LHFPL6: variants seen among roughly 807,000 people sequenced by gnomAD.
LHFPL6 encodes the protein LHFPL tetraspan subfamily member 6.
LHFPL6 carries 9 observed loss-of-function variants against 20.6 expected under a neutral mutation model. The observed-to-expected ratio is 0.44, with a 90% confidence interval of 0.26 to 0.76. The LOEUF is 0.76. LHFPL6 is among the 30% of genes least tolerant of loss of function. The pLI, the probability that LHFPL6 is intolerant of heterozygous loss-of-function variation, is 0.20. For missense variants in LHFPL6, 218 were observed against 253.5 expected (o/e 0.86, Z 0.95); for synonymous variants, 105 against 98.7 (o/e 1.06, Z -0.38).
chr13:39,411,565 T>C (rs1871241621), intron 2 of LHFPL6, among the ~76,000 whole-genome samples: 1 of 152,206 alleles, frequency 6.6e-6, no homozygotes, highest in Admixed American at 6.5e-5. Context: ...TAGTGTTGTG[T>C]TTATCTCACG....
At chr13:39,442,912 GCTT>G (rs1872179386) in intron 2 of LHFPL6, among the ~76,000 whole-genome samples, 1 of 152,028 alleles carries the variant, frequency 6.6e-6, no homozygotes, top group Non-Finnish European at 1.5e-5. Flanking sequence ...GCTAACTGAA[GCTT>G]CTTGTCTCTT....
At chr13:39,437,309 C>A (rs569077729) in intron 2 of LHFPL6, among the ~76,000 whole-genome samples, 1 of 152,256 alleles carries the variant, frequency 6.6e-6, no homozygotes, top group South Asian at 2.1e-4. Flanking sequence ...ATCATGGGGG[C>A]AGTTTCTCAT....
At chr13:39,562,443 T>TAC (rs879587725) in intron 2 of LHFPL6, among the ~76,000 whole-genome samples, 10,870 of 121,390 alleles carry the variant, frequency 0.09, 1,654 homozygotes, top group Middle Eastern at 0.16. Flanking sequence ...TATATACATA[T>TAC]ATACACATAT....
intron 2 of LHFPL6, among the ~76,000 whole-genome samples, chr13:39,586,718 G>A (rs909333318): frequency 6.6e-6 from 1 of 152,048 alleles, no homozygotes; most frequent in African/African-American, 2.4e-5. Flanking sequence ...CACCATCGCT[G>A]GCCAACATTG....
intron 2 of LHFPL6, among the ~76,000 whole-genome samples, chr13:39,456,452 CA>C (rs1872572155): frequency 6.6e-6 from 1 of 152,012 alleles, no homozygotes; most frequent in Non-Finnish European, 1.5e-5. Flanking sequence ...GAAATTAAAC[CA>C]AAAACAATTC....
In LHFPL6 at chr13:39,601,059, G is replaced by A; in HGVS notation, c.158C>T (p.Pro53Leu). 2 of 1,614,202 alleles carry A rather than the reference G, an allele frequency of 1.2e-6. No homozygotes were observed. The highest frequency in any genetic ancestry group is 1.7e-6 in the Non-Finnish European group (2 of 1,180,036). The change falls in exon 2 of 4, where the codon CCT (proline) becomes CTT (leucine). Residue 53 changes from proline (P) to leucine (L), a missense_variant. Physicochemically the swap from Pro to Leu is moderately conservative, Grantham distance 98. Transcript: ENST00000379589. ...CATCTGCCGACTCTCATCATGCACA[G>A]GATATGAGCACCTCCGGAAGGTACC... ...SFGTFRRCSY[P>L]VHDESRQMMV...
intron 2 of LHFPL6, among the ~76,000 whole-genome samples, chr13:39,544,892 C>A (rs1870928517): frequency 6.6e-6 from 1 of 151,938 alleles, no homozygotes; most frequent in African/African-American, 2.4e-5. Context: ...AAACTTACTA[C>A]AAATAGGCAA....
chr13:39,519,151 GCTTGAA>G, intron 2 of LHFPL6, among the ~76,000 whole-genome samples: 1 of 152,226 alleles, frequency 6.6e-6, no homozygotes, highest in Non-Finnish European at 1.5e-5. Flanking sequence ...CAGAAGAACT[GCTTGAA>G]CTCGGGAAGT....
chr13:39,451,162 T>G (rs1872434701), intron 2 of LHFPL6, among the ~76,000 whole-genome samples: 1 of 126,468 alleles, frequency 7.9e-6, no homozygotes. Flanking sequence ...AGTCATGAGA[T>G]CCATTTTGTT....
intron 2 of LHFPL6, among the ~76,000 whole-genome samples, chr13:39,413,231 T>C (rs1257043851): frequency 6.6e-6 from 1 of 152,232 alleles, no homozygotes. Flanking sequence ...GCATTTGTTA[T>C]TCATTTTAAT....
chr13:39,427,174 A>G (rs1056790648), intron 2 of LHFPL6, among the ~76,000 whole-genome samples: 1 of 151,712 alleles, frequency 6.6e-6, no homozygotes, highest in African/African-American at 2.4e-5. Flanking sequence ...TATTAGTTCA[A>G]GAAGCTTCTT....
chr13:39,581,665 G>A (rs6563728), intron 2 of LHFPL6, among the ~76,000 whole-genome samples: 126,095 of 150,812 alleles, frequency 0.84, 52,908 homozygotes, highest in East Asian at 0.93. Context: ...TTTTGTTAAT[G>A]AACATCATAA....
At chr13:39,345,512 C>CAAAGAAAAAAAAAAAAA (rs1869372406) in intron 3 of LHFPL6, among the ~76,000 whole-genome samples, 1 of 43,416 alleles carries the variant, frequency 2.3e-5, no homozygotes, top group African/African-American at 6.8e-5. Flanking sequence ...GACTCCATCT[C>CAAAGAAAAAAAAAAAAA]AAAAAAAAAA....
chr13:39,452,689 C>A (rs1157579613), intron 2 of LHFPL6, among the ~76,000 whole-genome samples: 1 of 152,100 alleles, frequency 6.6e-6, no homozygotes, highest in Non-Finnish European at 1.5e-5. Flanking sequence ...CATTCAAACA[C>A]CACAATTAAG....
intron 2 of LHFPL6, among the ~76,000 whole-genome samples, chr13:39,415,690 A>G (rs1015641111): frequency 5.9e-5 from 9 of 152,178 alleles, no homozygotes; most frequent in Admixed American, 2.0e-4. Context: ...ATAGTTTTGC[A>G]GTAACCGAAG....
chr13:39,520,002 G>A (rs1433449804), intron 2 of LHFPL6, among the ~76,000 whole-genome samples: 1 of 152,144 alleles, frequency 6.6e-6, no homozygotes. Context: ...CTTCCTAGAC[G>A]TGTACATTAG....
Position 39,552,435 on chromosome 13 carries a change from GAACA to G in LHFPL6, c.385+48393_385+48396del, listed in dbSNP as rs772773031. On this transcript the variant is annotated intron_variant, in intron 2 of 3. Transcript: ENST00000379589. ...GACAGTGACACACTGTCACTGTCATGAACAGCAGGAGTGAGTACTGGTGCATGCA... is the reference window on the plus strand; with the variant it reads ...GACAGTGACACACTGTCACTGTCATGGCAGGAGTGAGTACTGGTGCATGCA... Among the ~76,000 whole-genome samples, 47 of 152,254 alleles carry G rather than the reference GAACA, an allele frequency of 3.1e-4. 1 individual carries two copies. The highest frequency in any genetic ancestry group is 6.8e-3 in the Middle Eastern group (2 of 294).
chr13:39,387,912 C>T (rs1030653384), intron 2 of LHFPL6, among the ~76,000 whole-genome samples: 3 of 152,256 alleles, frequency 2.0e-5, no homozygotes, highest in Non-Finnish European at 4.4e-5. Flanking sequence ...CTGTGACTAA[C>T]GACAAGGGAT....
At chr13:39,346,281 C>T (rs1361333595) in intron 3 of LHFPL6, among the ~76,000 whole-genome samples, 1 of 151,848 alleles carries the variant, frequency 6.6e-6, no homozygotes, top group Non-Finnish European at 1.5e-5. Flanking sequence ...AGGCCATTAC[C>T]TAAGCACACA....
Sources: allele counts gnomAD v4.1 joint callset (sites outside exome capture counted in the v4.1 genomes callset), GRCh38; gene constraint gnomAD v4.1.1; transcripts MANE v1.5; gene names NCBI Gene and HGNC (gene_info 2026-07-23, HGNC 2026-07-21).